The following LRBA variants were observed in gnomAD, a reference collection of about 807,000 sequenced individuals.
The protein encoded by LRBA is lipopolysaccharide-responsive and beige-like anchor protein.
LRBA carries 176 observed loss-of-function variants against 330.0 expected under a neutral mutation model. The observed-to-expected ratio is 0.53, with a 90% CI of 0.47 to 0.60. The LOEUF is 0.60. LRBA is among the 20% of genes least tolerant of loss of function. LRBA has a pLI of 0.00. For synonymous variants in LRBA, 1,230 were observed against 1,193.0 expected, an observed-to-expected ratio of 1.03 and a Z score of -0.64; for missense variants, 3,259 against 3,444.8, an observed-to-expected ratio of 0.95 and a Z score of 1.35.
At chr4:150,939,710 T>C (rs1226892173) in intron 2 of LRBA, among the ~76,000 whole-genome samples, 2 of 152,220 alleles carry the variant, frequency 1.3e-5, no homozygotes, top group Non-Finnish European at 2.9e-5. Context: ...CCAGAGACTC[T>C]GTTCAGCTTA....
intron 4 of LRBA, among the ~76,000 whole-genome samples, chr4:150,927,769 A>T (rs1284919440): frequency 1.3e-5 from 2 of 152,228 alleles, no homozygotes; most frequent in Non-Finnish European, 2.9e-5. Context: ...AGTAAAAAAA[A>T]CTAAAATTAG....
At position 150,590,716 on chromosome 4, in the gene LRBA, C is replaced by A. The variant is rs1581759837; in HGVS notation, c.6190G>T (p.Ala2064Ser). 1 of 1,613,078 alleles carries A rather than the reference C, an allele frequency of 6.2e-7. No individual in the cohort carries two copies. The highest frequency in any genetic ancestry group is 2.2e-5 in the East Asian group (1 of 44,854). ...TCTGCACAACCACCAAATTTACCGG[C>A]AAGATTCTCTAAATCTTTCTCATCC... ...SVDEKDLENL[A>S]GPVSLSTPAQ... is the part of the protein sequence containing the mutation. Residue 2064 changes from alanine to serine, a missense_variant, in exon 39 of 57, where the codon GCC becomes TCC. Physicochemically the swap from Ala to Ser is moderately conservative, Grantham distance 99. Coordinates refer to ENST00000651943, the MANE Select transcript of LRBA (RefSeq NM_001364905.1).
intron 35 of LRBA, among the ~76,000 whole-genome samples, chr4:150,743,489 G>A (rs1404273860): frequency 1.3e-5 from 2 of 152,134 alleles, no homozygotes; most frequent in African/African-American, 4.8e-5. Flanking sequence ...GGAATATTAT[G>A]AACAATATGA....
intron 37 of LRBA, among the ~76,000 whole-genome samples, chr4:150,628,991 G>C (rs1446888091): frequency 2.0e-5 from 3 of 152,078 alleles, no homozygotes; most frequent in African/African-American, 7.2e-5. Flanking sequence ...TCAAACTCTT[G>C]GGCTCAAATG....
At chr4:150,702,897 C>A (rs1785248622) in intron 36 of LRBA, among the ~76,000 whole-genome samples, 1 of 152,194 alleles carries the variant, frequency 6.6e-6, no homozygotes, top group South Asian at 2.1e-4. Context: ...TGGTGGCTCA[C>A]ACCTGTAATC....
chr4:150,503,526 G>C (rs867114028), intron 40 of LRBA, among the ~76,000 whole-genome samples: 3 of 152,128 alleles, frequency 2.0e-5, no homozygotes, highest in East Asian at 1.9e-4. Context: ...CTGCAGCTGA[G>C]AGTCCTGTCT....
intron 41 of LRBA, among the ~76,000 whole-genome samples, chr4:150,488,469 C>T (rs1216389862): frequency 6.6e-6 from 1 of 151,562 alleles, no homozygotes; most frequent in Non-Finnish European, 1.5e-5. Flanking sequence ...AATTTAAATG[C>T]TTTCTCATCC....
At chr4:150,828,146 G>A (rs199838644) in intron 30 of LRBA, 34 bp downstream of exon 30, 2 of 1,597,088 alleles carry the variant, frequency 1.3e-6, no homozygotes, top group Non-Finnish European at 1.7e-6. Context: ...GTCAGATGTA[G>A]AAACATACCA....
chr4:150,345,120 C>A (rs1393152687), intron 48 of LRBA, among the ~76,000 whole-genome samples: 1 of 152,170 alleles, frequency 6.6e-6, no homozygotes, highest in African/African-American at 2.4e-5. Flanking sequence ...GGGCTTAGTA[C>A]CTATCCTATG....
intron 40 of LRBA, among the ~76,000 whole-genome samples, chr4:150,530,860 T>C (rs892919252): frequency 1.3e-5 from 2 of 152,196 alleles, no homozygotes; most frequent in South Asian, 2.1e-4. Flanking sequence ...CTTATAATGA[T>C]AATGTGAAGT....
chr4:150,906,067 A>G, intron 12 of LRBA, 77 bp from the exon 13 acceptor site: 3 of 1,275,164 alleles, frequency 2.4e-6, no homozygotes, highest in Non-Finnish European at 2.2e-6. Context: ...CTACCAGGAA[A>G]AAAACTGGCC....
intron 11 of LRBA, among the ~76,000 whole-genome samples, chr4:150,907,742 A>G (rs1731508861): frequency 6.6e-6 from 1 of 152,278 alleles, no homozygotes. Flanking sequence ...TGAGAAATTG[A>G]GACTCCTTTC....
At chr4:150,817,072 C>T (rs1002710119) in intron 31 of LRBA, 52 bp downstream of exon 31, 2 of 1,572,452 alleles carry the variant, frequency 1.3e-6, no homozygotes, top group Non-Finnish European at 1.7e-6. Flanking sequence ...TTAAGCGTTG[C>T]TAAAATGAGA....
chr4:150,585,663 C>T (rs1476177726), intron 40 of LRBA, among the ~76,000 whole-genome samples: 1 of 152,162 alleles, frequency 6.6e-6, no homozygotes, highest in African/African-American at 2.4e-5. Flanking sequence ...TGATGAGACA[C>T]AGGTACAGAA....
intron 34 of LRBA, among the ~76,000 whole-genome samples, chr4:150,767,124 T>C (rs1022477842): frequency 1.3e-5 from 2 of 152,122 alleles, no homozygotes; most frequent in South Asian, 2.1e-4. Flanking sequence ...CCTAACATTA[T>C]CTATTCCTGC....
At chr4:150,791,526 A>C (rs1194181632) in intron 34 of LRBA, among the ~76,000 whole-genome samples, 1 of 152,226 alleles carries the variant, frequency 6.6e-6, no homozygotes, top group Non-Finnish European at 1.5e-5. Flanking sequence ...TAAATGAATA[A>C]ATAATACCAG....
chr4:150,764,047 A>T (rs1735439830), intron 34 of LRBA, among the ~76,000 whole-genome samples: 1 of 152,060 alleles, frequency 6.6e-6, no homozygotes, highest in Admixed American at 6.6e-5. Context: ...TAGGAAGGAA[A>T]GTGAGACCTC....
At chr4:150,434,502 T>C (rs1373880353) in intron 46 of LRBA, among the ~76,000 whole-genome samples, 1 of 152,202 alleles carries the variant, frequency 6.6e-6, no homozygotes. Context: ...GATATCTAAA[T>C]ATCTATGTCT....
At chr4:150,277,175 C>A (rs1190860890) in intron 56 of LRBA, among the ~76,000 whole-genome samples, 1 of 148,320 alleles carries the variant, frequency 6.7e-6, no homozygotes, top group East Asian at 2.0e-4. Context: ...AACACAGGAA[C>A]AGAAAAGCAA....
Sources: gnomAD v4.1 joint callset for allele counts (sites outside exome capture counted in the v4.1 genomes callset) on GRCh38, gnomAD v4.1.1 for gene constraint, MANE v1.5 for transcripts, NCBI Gene and HGNC (gene_info 2026-07-23, HGNC 2026-07-21) for gene names.